The following EGF variants were observed in gnomAD, a reference collection of about 807,000 sequenced individuals.
EGF encodes the protein epidermal growth factor.
EGF carries 95 observed loss-of-function variants against 143.8 expected under a neutral mutation model. The observed-to-expected ratio is 0.66, with a 90% CI of 0.56 to 0.78. The LOEUF (loss-of-function observed/expected upper bound fraction) is 0.78. Ranked by LOEUF, EGF falls within the 30% of genes least tolerant of loss-of-function variation. The pLI, the probability that EGF is intolerant of heterozygous loss-of-function variation, is 0.00. For missense variants in EGF, 1,320 were observed against 1,470.9 expected (o/e 0.90, Z 1.68); for synonymous variants, 510 against 510.5 (o/e 1.00, Z 0.01).
At chr4:109,979,357 C>T (rs11569007) in intron 13 of EGF, among the ~76,000 whole-genome samples, 263 of 151,544 alleles carry the variant, frequency 1.7e-3, no homozygotes, top group African/African-American at 6.0e-3. Context: ...AGGGGGTGGT[C>T]GTTGATGGAT....
chr4:109,956,027 T>C (rs752403837), intron 5 of EGF, among the ~76,000 whole-genome samples: 8 of 152,222 alleles, frequency 5.3e-5, no homozygotes, highest in Non-Finnish European at 8.8e-5. Context: ...ACAATAGTTG[T>C]TTTCTTCATT....
At chr4:109,918,798 C>T (rs2237041) in intron 1 of EGF, among the ~76,000 whole-genome samples, 41,917 of 152,150 alleles carry the variant, frequency 0.28, 6,204 homozygotes, top group Middle Eastern at 0.38. Context: ...GCTTACATCC[C>T]AGCGCTTCCA....
At chr4:109,945,400 G>A (rs1279424860) in intron 5 of EGF, 125 bp downstream of exon 5, 2 of 804,116 alleles carry the variant, frequency 2.5e-6, no homozygotes, top group Admixed American at 4.0e-5. Context: ...TATATTCTTA[G>A]TCATAATAGA....
In EGF at chr4:109,969,093, C is replaced by T. The variant is rs766018819; in HGVS notation, c.1698C>T (p.Gly566=). The T allele has an allele frequency of 6.2e-7, 1 of 1,613,976 alleles. No individual in the cohort carries two copies. Among genetic ancestry groups the T allele is most frequent in the Admixed American group, 1.7e-5 (1 of 59,992 alleles). Residue 566 remains glycine (G), a synonymous_variant, in exon 11 of 24, where the codon GGC becomes GGT. Transcript: ENST00000265171. The part of the protein sequence containing the change: ...VPEGLAVDWI[G]RRFYWTDRGK... ...AAGGTCTTGCTGTGGACTGGATTGG[C>T]CGTAGATTCTATTGGACAGACAGAG...
chr4:109,945,626 C>T (rs1416753839), intron 5 of EGF, among the ~76,000 whole-genome samples: 2 of 152,076 alleles, frequency 1.3e-5, no homozygotes, highest in African/African-American at 2.4e-5. Flanking sequence ...TTAACATGTA[C>T]ATTTTATATA....
In EGF at chr4:109,964,448, A is replaced by G; in HGVS notation, c.1486A>G (p.Met496Val). 2 of 1,614,000 alleles carry G rather than the reference A, an allele frequency of 1.2e-6. No homozygotes were observed. The highest frequency in any genetic ancestry group is 2.2e-5 in the South Asian group (2 of 91,080). ...TGCCAATTCTCAAGATATTCGACAC[A>G]TGCATTTTGATGGAACAGACTATGG... Reference protein sequence around the residue: ...LFANSQDIRHMHFDGTDYGTL... With the variant: ...LFANSQDIRHVHFDGTDYGTL... The change falls in exon 10 of 24, where the codon ATG becomes GTG. Residue 496 changes from methionine (M) to valine (V), a missense_variant. Around this residue, in one of 5 missense-constraint regions of EGF, gnomAD observed 1,186 missense variants for 1,313.7 expected, o/e 0.90. Transcript: ENST00000265171.
At chr4:109,938,654 T>C (rs913472544) in intron 1 of EGF, among the ~76,000 whole-genome samples, 7 of 152,262 alleles carry the variant, frequency 4.6e-5, no homozygotes, top group Non-Finnish European at 7.3e-5. Context: ...TTAGCGGTTT[T>C]ATCTACCTTT....
chr4:109,922,943 T>A lies in EGF; in HGVS notation c.127+9481T>A, dbSNP rs1330545367. On this transcript the variant is annotated intron_variant, in intron 1 of 23. Transcript: ENST00000265171. ...GACATATTAGAAACATTTTCTATAA[T>A]TTTTATAATACCTGTTTCTTCAAAT... Among the ~76,000 whole-genome samples the A allele has an allele frequency of 2.0e-5, 3 of 151,662 alleles. No individual in the cohort carries two copies. In the East Asian group the frequency reaches 5.8e-4, roughly 29 times the overall value.
chr4:109,993,293 C>A lies in EGF; in HGVS notation c.2781C>A (p.Ala927=). The A allele has an allele frequency of 6.2e-7, 1 of 1,613,748 alleles. No individual in the cohort carries two copies. Among genetic ancestry groups the A allele is most frequent in the African/African-American group, 1.3e-5 (1 of 74,982 alleles). ...GGGAGCACAGCTGTGGAGAGAATGC[C>A]AGCTGCACAAATACAGAGGGAGGCT... is the stretch of plus-strand genomic sequence containing the variant. The part of the protein sequence containing the change: ...QLGEHSCGEN[A]SCTNTEGGYT... The change falls in exon 19 of 24, where the codon GCC becomes GCA. Residue 927 remains alanine, a synonymous_variant. Coordinates refer to ENST00000265171, the MANE Select transcript of EGF (RefSeq NM_001963.6).
intron 1 of EGF, among the ~76,000 whole-genome samples, chr4:109,921,966 C>G (rs1471939418): frequency 6.6e-6 from 1 of 151,522 alleles, no homozygotes; most frequent in Non-Finnish European, 1.5e-5. Flanking sequence ...CCTTCCCTTA[C>G]GAGGTTTAAA....
At chr4:109,990,088 T>C (rs1232381654) in intron 18 of EGF, among the ~76,000 whole-genome samples, 1 of 152,194 alleles carries the variant, frequency 6.6e-6, no homozygotes, top group Non-Finnish European at 1.5e-5. Context: ...GCTCTCTCTT[T>C]CTCTCAAGGT....
chr4:109,968,847 C>A, intron 10 of EGF, 124 bp from the exon 11 acceptor site: 1 of 1,251,874 alleles, frequency 8.0e-7, no homozygotes, highest in Non-Finnish European at 1.1e-6. Context: ...AATTTAGTTG[C>A]AGGTGTGCCT....
chr4:109,932,989 C>A (rs929123622), intron 1 of EGF, among the ~76,000 whole-genome samples: 15 of 152,218 alleles, frequency 9.9e-5, no homozygotes, highest in Non-Finnish European at 2.2e-4. Flanking sequence ...CAAATCCAAG[C>A]AGTTGCACAA....
At chr4:109,978,397 ATT>A (rs1175649562) in intron 13 of EGF, among the ~76,000 whole-genome samples, 3 of 152,252 alleles carry the variant, frequency 2.0e-5, no homozygotes. Flanking sequence ...AGTGTGAGGT[ATT>A]TGTTTAAACA....
chr4:110,005,599 CAA>C (rs1560773582), intron 22 of EGF, among the ~76,000 whole-genome samples: 1 of 152,142 alleles, frequency 6.6e-6, no homozygotes, highest in African/African-American at 2.4e-5. Context: ...TTGGGAAATT[CAA>C]GATGTTTCAT....
intron 1 of EGF, among the ~76,000 whole-genome samples, chr4:109,929,646 C>A (rs565263630): frequency 2.6e-5 from 4 of 152,142 alleles, no homozygotes; most frequent in South Asian, 4.1e-4. Context: ...CTCTGGATGA[C>A]ACATTTCTAT....
At chr4:110,010,891 T>C (rs1481380767) in intron 23 of EGF, among the ~76,000 whole-genome samples, 1 of 152,028 alleles carries the variant, frequency 6.6e-6, no homozygotes, top group Non-Finnish European at 1.5e-5. Flanking sequence ...CAACCCTGTC[T>C]CTATAAAAAA....
rs11569154 is a variant in EGF, at chr4:110,013,284, T to C, written c.*1829T>C. On this transcript the variant is annotated 3_prime_UTR_variant, in exon 24 of 24. Coordinates refer to ENST00000265171, the MANE Select transcript of EGF (RefSeq NM_001963.6). Reference sequence around the variant, plus strand: ...AAATTTTTGTATTTTAGCACCTTTTTCTTTTAGGGGTTCAATGATGACAAA... The same window carrying C: ...AAATTTTTGTATTTTAGCACCTTTTCCTTTTAGGGGTTCAATGATGACAAA... Among the ~76,000 whole-genome samples the C allele has an allele frequency of 0.013, 1,929 of 152,258 alleles. 39 individuals carry two copies. Among genetic ancestry groups the C allele is most frequent in the African/African-American group, 0.045 (1,850 of 41,526 alleles).
In EGF at chr4:109,923,959, A is replaced by C. The variant is rs564376682; in HGVS notation, c.127+10497A>C. 3.3e-5 allele frequency among the ~76,000 whole-genome samples: 5 copies of C among 151,780 alleles called. No individual in the cohort carries two copies. In the East Asian group the frequency reaches 9.6e-4, roughly 29 times the overall value. On this transcript the variant is annotated intron_variant, in intron 1 of 23. Coordinates refer to ENST00000265171, the MANE Select transcript of EGF (RefSeq NM_001963.6). ...TGATTTCATATTTGAAGTTCCAAGA[A>C]ACAAAGAAGGAAACAATTCACAGAA...
Sources: gnomAD v4.1 joint callset for allele counts (sites outside exome capture counted in the v4.1 genomes callset) on GRCh38, gnomAD v4.1.1 for gene constraint, gnomAD v4.1.1 regional missense constraint, MANE v1.5 for transcripts, NCBI Gene and HGNC (gene_info 2026-07-23, HGNC 2026-07-21) for gene names.